Variants in PTPRT observed in about 807,000 individuals in gnomAD.
The protein encoded by PTPRT is receptor-type tyrosine-protein phosphatase T.
Under a neutral mutation model 176.8 loss-of-function variants are expected in PTPRT, and 56 were observed. The observed-to-expected ratio is 0.32, with a 90% CI of 0.26 to 0.40. The LOEUF (loss-of-function observed/expected upper bound fraction) is 0.40. PTPRT is among the 10% of genes least tolerant of loss of function. The pLI is 1.00. For synonymous variants in PTPRT, 783 were observed against 739.0 expected (o/e 1.06, Z -0.96); for missense variants, 1,540 against 1,908.2 (o/e 0.81, Z 3.60).
Position 42,075,046 on chromosome 20 carries a change from C to T in PTPRT, c.*5833G>A. The T allele has an allele frequency of 2.6e-6, 1 of 390,624 alleles. No individual in the cohort carries two copies. The highest frequency in any genetic ancestry group is 6.5e-4 in the Middle Eastern group (1 of 1,532). 24.2% of individuals were successfully genotyped at this position (390,624 alleles called of 1,614,324 possible). On this transcript the variant is annotated 3_prime_UTR_variant, in exon 31 of 31. Transcript: ENST00000373187. ...TCTCTCCCTGCTGTTCAGTCTATGA[C>T]CTCAAAGGCAGATCCCTGCAAGACA...
At chr20:42,035,428 G>T in the PTPRT span, among the ~76,000 whole-genome samples, 1 of 152,098 alleles carries the variant, frequency 6.6e-6, no homozygotes, top group East Asian at 1.9e-4. Context: ...CTCCTGGTCA[G>T]TCTTACCATG....
intron 27 of PTPRT, among the ~76,000 whole-genome samples, chr20:42,090,336 G>T (rs1399300931): frequency 6.6e-6 from 1 of 151,086 alleles, no homozygotes; most frequent in Admixed American, 6.7e-5. Flanking sequence ...CCAGCTTGGG[G>T]TAGCTGTGAA....
intron 9 of PTPRT, among the ~76,000 whole-genome samples, chr20:42,388,650 A>C (rs2058768266): frequency 6.6e-6 from 1 of 152,226 alleles, no homozygotes; most frequent in South Asian, 2.1e-4. Context: ...GGATGTGGAG[A>C]AATAGGAACA....
At chr20:42,566,220 C>G (rs2073037360) in intron 7 of PTPRT, among the ~76,000 whole-genome samples, 1 of 152,168 alleles carries the variant, frequency 6.6e-6, no homozygotes. Context: ...ACTGCAACCT[C>G]AACCTCTCGG....
chr20:43,174,011 C>T (rs2015067747), intron 1 of PTPRT, among the ~76,000 whole-genome samples: 1 of 152,208 alleles, frequency 6.6e-6, no homozygotes, highest in Non-Finnish European at 1.5e-5. Flanking sequence ...GTGTCTGCCT[C>T]ATGGGATCAT....
At chr20:42,809,427 GA>G in intron 2 of PTPRT, among the ~76,000 whole-genome samples, 1 of 152,260 alleles carries the variant, frequency 6.6e-6, no homozygotes, top group Non-Finnish European at 1.5e-5. Context: ...ATGGAGCAGG[GA>G]TAACCAATCC....
intron 17 of PTPRT, among the ~76,000 whole-genome samples, chr20:42,151,428 G>A (rs1386867085): frequency 1.3e-5 from 2 of 152,116 alleles, no homozygotes; most frequent in African/African-American, 4.8e-5. Context: ...TTAGTTTGCT[G>A]AGAATGATGG....
chr20:42,855,429 C>CTTTTTT (rs555034551), intron 2 of PTPRT, among the ~76,000 whole-genome samples: 3 of 115,682 alleles, frequency 2.6e-5, no homozygotes, highest in African/African-American at 3.8e-5. Context: ...TATGTTCATG[C>CTTTTTT]TTTTTTTTTT....
chr20:42,233,030 G>A (rs536163559), intron 15 of PTPRT, among the ~76,000 whole-genome samples: 1 of 151,914 alleles, frequency 6.6e-6, no homozygotes, highest in Non-Finnish European at 1.5e-5. Context: ...TGGGCCTTAC[G>A]CTTTTCTCCT....
At chr20:42,061,094 A>C in the PTPRT span, among the ~76,000 whole-genome samples, 2 of 152,240 alleles carry the variant, frequency 1.3e-5, no homozygotes, top group African/African-American at 4.8e-5. Flanking sequence ...TGTATTAGTC[A>C]AGATATGCGG....
At chr20:42,326,770 T>C (rs1468339979) in intron 11 of PTPRT, among the ~76,000 whole-genome samples, 1 of 152,120 alleles carries the variant, frequency 6.6e-6, no homozygotes, top group Non-Finnish European at 1.5e-5. Flanking sequence ...GAGGAAAGCA[T>C]CATATATTGT....
At chr20:43,026,522 T>C (rs1985920426) in intron 1 of PTPRT, among the ~76,000 whole-genome samples, 1 of 152,246 alleles carries the variant, frequency 6.6e-6, no homozygotes, top group South Asian at 2.1e-4. Context: ...TGCATAACAA[T>C]GATAATAACC....
chr20:42,317,653 A>G (rs916669399), intron 11 of PTPRT, among the ~76,000 whole-genome samples: 2 of 152,214 alleles, frequency 1.3e-5, no homozygotes, highest in African/African-American at 4.8e-5. Flanking sequence ...AAGGAGTACA[A>G]CTTGGGAGAT....
At chr20:42,087,856 G>C (rs1374185524) in intron 27 of PTPRT, among the ~76,000 whole-genome samples, 5 of 113,430 alleles carry the variant, frequency 4.4e-5, no homozygotes, top group African/African-American at 1.6e-4. Flanking sequence ...CTGGGAAACA[G>C]AGCAAGACTC....
At chr20:43,110,555 T>C (rs958276144) in intron 1 of PTPRT, among the ~76,000 whole-genome samples, 1 of 152,224 alleles carries the variant, frequency 6.6e-6, no homozygotes, top group Non-Finnish European at 1.5e-5. Context: ...GTAAAGACGC[T>C]ATCCTATTTC....
At chr20:42,429,259 C>T (rs1314865064) in intron 9 of PTPRT, among the ~76,000 whole-genome samples, 1 of 152,048 alleles carries the variant, frequency 6.6e-6, no homozygotes, top group African/African-American at 2.4e-5. Flanking sequence ...CCATGGGATT[C>T]GAGCAGGAAA....
At chr20:42,672,343 A>G (rs1040516474) in intron 7 of PTPRT, among the ~76,000 whole-genome samples, 4 of 152,186 alleles carry the variant, frequency 2.6e-5, no homozygotes, top group Non-Finnish European at 4.4e-5. Flanking sequence ...CTTGTACATC[A>G]GACTCCAAGT....
intron 15 of PTPRT, among the ~76,000 whole-genome samples, chr20:42,224,135 T>G (rs1027177829): frequency 1.3e-5 from 2 of 152,212 alleles, no homozygotes; most frequent in African/African-American, 4.8e-5. Context: ...TGTTCTTTTA[T>G]TCTGTTAAGA....
intron 2 of PTPRT, among the ~76,000 whole-genome samples, chr20:42,885,558 CT>C (rs2079088597): frequency 6.6e-6 from 1 of 152,078 alleles, no homozygotes; most frequent in Non-Finnish European, 1.5e-5. Flanking sequence ...GTGATACCTA[CT>C]TGTAGCTAAA....
Sources: gnomAD v4.1 joint callset for allele counts (sites outside exome capture counted in the v4.1 genomes callset) on GRCh38, gnomAD v4.1.1 for gene constraint, MANE v1.5 for transcripts, NCBI Gene and HGNC (gene_info 2026-07-23, HGNC 2026-07-21) for gene names.